The following PCDHA2 variants were observed in gnomAD, a reference collection of about 807,000 sequenced individuals.
PCDHA2 encodes protocadherin alpha 2.
Under a neutral mutation model 66.0 loss-of-function variants are expected in PCDHA2, and 58 were observed. The observed-to-expected ratio is 0.88, with a 90% confidence interval of 0.71 to 1.09. The LOEUF (loss-of-function observed/expected upper bound fraction) is 1.09, where lower values mean the gene tolerates loss of function less well. Ranked by LOEUF, PCDHA2 falls within the 50% of genes least tolerant of loss-of-function variation. The probability of loss-of-function intolerance (pLI) is 0.00; values close to 1 mark genes in which losing one functional copy is unlikely to be tolerated. For missense variants in PCDHA2, 1,267 were observed against 1,242.3 expected (o/e 1.02, Z -0.30); for synonymous variants, 634 against 554.0 (o/e 1.14, Z -2.03).
chr5:140,796,081 A>C lies in PCDHA2; in HGVS notation c.1117A>C (p.Thr373Pro), dbSNP rs782725155. 1 of 1,614,152 alleles carries C rather than the reference A, an allele frequency of 6.2e-7. No individual in the cohort carries two copies. Among genetic ancestry groups the C allele is most frequent in the Non-Finnish European group, 8.5e-7 (1 of 1,180,036 alleles). Residue 373 changes from threonine to proline, a missense_variant, in exon 1 of 4, where the codon ACG becomes CCG. Thr to Pro is a conservative substitution (Grantham distance 38, BLOSUM62 -1). Transcript: ENST00000526136. ...CCTGGGCACTGTCATTGCTCTCATC[A>C]CGGTGTCGGATCGCGACTCTGGTAC... ...ASLGTVIALI[T>P]VSDRDSGTNG...
intron 1 of PCDHA2, chr5:140,864,396 G>T (rs2048459702): frequency 6.6e-6 from 1 of 152,210 alleles, no homozygotes; most frequent in South Asian, 2.1e-4. Flanking sequence ...CACAAATGGT[G>T]ATGAGCAGGG....
intron 1 of PCDHA2, chr5:140,828,635 G>GTGAAAATAAACAGTGA (rs2150157633): frequency 6.2e-7 from 1 of 1,614,212 alleles, no homozygotes; most frequent in Non-Finnish European, 8.5e-7. Flanking sequence ...CGGGCTAGAT[G>GTGAAAATAAACAGTGA]TGAAAATAAA....
intron 1 of PCDHA2, among the ~76,000 whole-genome samples, chr5:140,891,445 G>T (rs1036846382): frequency 6.7e-6 from 1 of 148,520 alleles, no homozygotes; most frequent in Non-Finnish European, 1.5e-5. Context: ...CCATTGTATA[G>T]GATTTTTGAA....
intron 1 of PCDHA2, among the ~76,000 whole-genome samples, chr5:140,948,964 T>C (rs2094329348): frequency 6.6e-6 from 1 of 151,790 alleles, no homozygotes; most frequent in Non-Finnish European, 1.5e-5. Context: ...AGCCACGAAT[T>C]TATTAGTATG....
intron 1 of PCDHA2, chr5:140,809,200 G>A (rs550017930): frequency 6.2e-7 from 1 of 1,614,078 alleles, no homozygotes; most frequent in African/African-American, 1.3e-5. Flanking sequence ...CACTTGTGGA[G>A]AGTGGACAGG....
intron 1 of PCDHA2, among the ~76,000 whole-genome samples, chr5:140,978,369 A>G (rs1015473344): frequency 6.6e-6 from 1 of 152,196 alleles, no homozygotes; most frequent in Non-Finnish European, 1.5e-5. Flanking sequence ...CAAACTCTGC[A>G]ATAGTTTGTT....
At chr5:140,940,194 G>T (rs1455968152) in intron 1 of PCDHA2, among the ~76,000 whole-genome samples, 4 of 152,118 alleles carry the variant, frequency 2.6e-5, no homozygotes, top group East Asian at 1.9e-4. Context: ...TTTTACATGG[G>T]TGTAAAATTC....
At chr5:140,883,521 T>G in intron 1 of PCDHA2, 1 of 1,614,202 alleles carries the variant, frequency 6.2e-7, no homozygotes, top group Non-Finnish European at 8.5e-7. Flanking sequence ...CGCGAGAGCG[T>G]ATCAGCCTAT....
rs2150495935 is a variant in PCDHA2 at position 140,850,724 on chromosome 5, C to G, written c.2388+53372C>G. On this transcript the variant is annotated intron_variant, in intron 1 of 3. Coordinates refer to ENST00000526136, the MANE Select transcript of PCDHA2 (RefSeq NM_018905.3). ...GCAAGCCGACGCTGGTGTGTTCTAGCGCGGTGGGGAGTTGGTCGTACTCGC... is the reference window on the plus strand; with the variant it reads ...GCAAGCCGACGCTGGTGTGTTCTAGGGCGGTGGGGAGTTGGTCGTACTCGC... 5.0e-6 allele frequency: 8 copies of G among 1,597,668 alleles called. No individual in the cohort carries two copies. The African/African-American group carries it at 1.1e-4, about 22-fold the overall frequency.
At chr5:140,844,971 G>A (rs2150375443) in intron 1 of PCDHA2, among the ~76,000 whole-genome samples, 3 of 149,220 alleles carry the variant, frequency 2.0e-5, no homozygotes, top group Admixed American at 6.7e-5. Context: ...TTTGTTATTA[G>A]TATTGTTTTA....
At chr5:140,851,027 C>A in intron 1 of PCDHA2, 2 of 1,410,188 alleles carry the variant, frequency 1.4e-6, no homozygotes, top group Non-Finnish European at 1.9e-6. Flanking sequence ...TAAAGTAAAC[C>A]CCTTAACATT....
intron 1 of PCDHA2, among the ~76,000 whole-genome samples, chr5:140,907,242 T>A (rs532344223): frequency 6.6e-6 from 1 of 152,328 alleles, no homozygotes; most frequent in African/African-American, 2.4e-5. Flanking sequence ...TAGTTGACAT[T>A]GTAATTGTGA....
chr5:140,828,305 G>A (rs2150153784), intron 1 of PCDHA2: 80 of 1,613,966 alleles, frequency 5.0e-5, no homozygotes, highest in Non-Finnish European at 6.7e-5. Flanking sequence ...CAAAGACCGC[G>A]AGGACCTTCT....
At chr5:140,818,623 G>T (rs970158676) in intron 1 of PCDHA2, among the ~76,000 whole-genome samples, 1 of 152,122 alleles carries the variant, frequency 6.6e-6, no homozygotes, top group Admixed American at 6.5e-5. Context: ...GATTGCTTGA[G>T]CCCAGGAGTT....
At chr5:140,819,251 A>ATATC (rs1554127623) in intron 1 of PCDHA2, among the ~76,000 whole-genome samples, 3 of 152,188 alleles carry the variant, frequency 2.0e-5, no homozygotes, top group African/African-American at 7.2e-5. Context: ...GCAATCTGGT[A>ATATC]TATCTATATA....
intron 1 of PCDHA2, 146 bp from the exon 2 acceptor site, chr5:140,978,803 C>A: frequency 2.0e-6 from 3 of 1,485,240 alleles, no homozygotes; most frequent in Middle Eastern, 1.8e-4. Context: ...ATGTAGATAT[C>A]ATCATAGAGT....
chr5:140,925,641 TATAATAATAATAATAATA>T (rs10569930), intron 1 of PCDHA2, among the ~76,000 whole-genome samples: 1 of 143,358 alleles, frequency 7.0e-6, no homozygotes, highest in African/African-American at 2.5e-5. Context: ...GAACTTAAAG[TATAATAATAATAATAATA>T]ATAATAATAA....
At chr5:140,882,160 C>G (rs2058982745) in intron 1 of PCDHA2, 8 of 1,509,868 alleles carry the variant, frequency 5.3e-6, no homozygotes, top group Non-Finnish European at 7.1e-6. Flanking sequence ...CGGAATACCT[C>G]TTGCGAATCC....
chr5:140,879,782 G>C (rs1372413289), intron 1 of PCDHA2, among the ~76,000 whole-genome samples: 1 of 152,178 alleles, frequency 6.6e-6, no homozygotes, highest in African/African-American at 2.4e-5. Flanking sequence ...GGAAGAATCT[G>C]GTTTTTGTTT....
Sources: allele counts gnomAD v4.1 joint callset (sites outside exome capture counted in the v4.1 genomes callset), GRCh38; gene constraint gnomAD v4.1.1; transcripts MANE v1.5; gene names NCBI Gene and HGNC (gene_info 2026-07-23, HGNC 2026-07-21).